FAM163A: variants seen among roughly 807,000 people sequenced by gnomAD.
The protein encoded by FAM163A is family with sequence similarity 163 member A.
FAM163A carries 7 observed loss-of-function variants against 12.0 expected under a neutral mutation model. That is an observed-to-expected ratio of 0.58 (90% confidence interval 0.33 to 1.10). The LOEUF is 1.10. Among genes scored for constraint, FAM163A ranks in the 50% least tolerant of loss-of-function variants. The pLI, the probability that FAM163A is intolerant of heterozygous loss-of-function variation, is 0.03. For synonymous variants in FAM163A, 101 were observed against 91.0 expected (o/e 1.11, Z -0.62); for missense variants, 202 against 218.6 (o/e 0.92, Z 0.48).
intron 1 of FAM163A, among the ~76,000 whole-genome samples, chr1:179,791,298 T>A (rs1336320010): frequency 6.6e-6 from 1 of 152,120 alleles, no homozygotes; most frequent in Non-Finnish European, 1.5e-5. Context: ...ACATCCTCCA[T>A]GGAGAGCAAG....
At chr1:179,758,395 G>C (rs929677815) in intron 1 of FAM163A, among the ~76,000 whole-genome samples, 1 of 152,158 alleles carries the variant, frequency 6.6e-6, no homozygotes, top group Non-Finnish European at 1.5e-5. Context: ...TAGCAAAGCC[G>C]TGCTCAGAGA....
At chr1:179,763,225 TACAG>T (rs747735684) in intron 1 of FAM163A, among the ~76,000 whole-genome samples, 3 of 152,248 alleles carry the variant, frequency 2.0e-5, no homozygotes, top group Middle Eastern at 3.2e-3. Context: ...CTCTTCCTGC[TACAG>T]ACACCCTTAC....
Position 179,814,120 on chromosome 1 carries a change from C to T in FAM163A, c.435C>T (p.Tyr145=). The T allele has an allele frequency of 6.2e-7, 1 of 1,614,190 alleles. No homozygotes were observed. Among genetic ancestry groups the T allele is most frequent in the Non-Finnish European group, 8.5e-7 (1 of 1,180,032 alleles). ...TCAAATTGGCAGCACCCCAGAGTTA[C>T]CCGGTGACCTGGCCAGGCTCTGGGC... is the stretch of plus-strand genomic sequence containing the variant. ...PSLKLAAPQS[Y]PVTWPGSGRE... is the part of the protein sequence containing the mutation. Residue 145 remains tyrosine, a synonymous_variant, in exon 5 of 5, where the codon TAC becomes TAT. Coordinates refer to ENST00000341785, the MANE Select transcript of FAM163A (RefSeq NM_173509.3).
At chr1:179,797,606 A>T (rs1057017233) in intron 1 of FAM163A, among the ~76,000 whole-genome samples, 1 of 152,204 alleles carries the variant, frequency 6.6e-6, no homozygotes, top group Non-Finnish European at 1.5e-5. Flanking sequence ...AAAACAAAGT[A>T]TGTGAGGTCA....
Position 179,799,667 on chromosome 1 carries a change from A to G in FAM163A, c.-135-8131A>G, listed in dbSNP as rs139973879. ...AAAACTCTCTAAACTGTTAATGAAC[A>G]TTGTTAGGAAAGGCAGAAACAAACA... On this transcript the variant is annotated intron_variant, in intron 1 of 4. Transcript: ENST00000341785. 9.4e-3 allele frequency among the ~76,000 whole-genome samples: 1,427 copies of G among 152,354 alleles called. 21 individuals carry two copies. Among genetic ancestry groups the G allele is most frequent in the African/African-American group, 0.033 (1,359 of 41,592 alleles).
intron 2 of FAM163A, among the ~76,000 whole-genome samples, 161 bp from the exon 3 acceptor site, chr1:179,811,949 C>T (rs1694761193): frequency 6.6e-6 from 1 of 152,058 alleles, no homozygotes. Context: ...GCTGGAGACC[C>T]AGCTGGAGAC....
At chr1:179,813,017 C>T (rs180751297) in intron 3 of FAM163A, 59 bp from the exon 4 acceptor site, 4 of 1,494,890 alleles carry the variant, frequency 2.7e-6, no homozygotes, top group Non-Finnish European at 3.6e-6. Context: ...AAGACTCCCC[C>T]CGGCCCAGCC....
chr1:179,746,504 A>G (rs1684481382), intron 1 of FAM163A, among the ~76,000 whole-genome samples: 1 of 152,180 alleles, frequency 6.6e-6, no homozygotes, highest in Admixed American at 6.5e-5. Context: ...ACATGCCTGG[A>G]GTGTTTATAA....
At chr1:179,809,240 A>G (rs1571592945) in intron 2 of FAM163A, among the ~76,000 whole-genome samples, 1 of 152,202 alleles carries the variant, frequency 6.6e-6, no homozygotes, top group Admixed American at 6.5e-5. Context: ...CAGCCACAAC[A>G]TGTCGAGGCC....
chr1:179,783,602 A>G (rs1690110435), intron 1 of FAM163A, among the ~76,000 whole-genome samples: 2 of 151,550 alleles, frequency 1.3e-5, no homozygotes, highest in Admixed American at 6.6e-5. Context: ...GGAAAGGTTT[A>G]AAAGTTGACC....
In FAM163A at chr1:179,744,661, G is replaced by A. The variant is rs1021503691; in HGVS notation, c.-136+1238G>A. 2.5e-4 allele frequency among the ~76,000 whole-genome samples: 38 copies of A among 152,138 alleles called. 1 individual carries two copies. Among genetic ancestry groups the A allele is most frequent in the Admixed American group, 2.2e-3 (34 of 15,286 alleles). ...AGTCCTGGCAAGTTTGACGTGACGG[G>A]GACGCAGTCATCCAACCTGCAGGCG... On this transcript the variant is annotated intron_variant, in intron 1 of 4. Coordinates refer to ENST00000341785, the MANE Select transcript of FAM163A (RefSeq NM_173509.3).
At chr1:179,807,288 C>T (rs531294400) in intron 1 of FAM163A, among the ~76,000 whole-genome samples, 2 of 152,250 alleles carry the variant, frequency 1.3e-5, no homozygotes, top group South Asian at 4.1e-4. Context: ...CATCTTTGGC[C>T]TGATAGAAGT....
At chr1:179,783,925 C>T (rs1259439252) in intron 1 of FAM163A, among the ~76,000 whole-genome samples, 2 of 151,238 alleles carry the variant, frequency 1.3e-5, no homozygotes, top group African/African-American at 4.9e-5. Flanking sequence ...CACTAGTTGG[C>T]TATAAGGAAC....
intron 1 of FAM163A, among the ~76,000 whole-genome samples, chr1:179,769,913 T>C (rs1336620524): frequency 1.5e-4 from 21 of 143,184 alleles, no homozygotes; most frequent in Non-Finnish European, 9.2e-5. Context: ...TTTTTTTTTT[T>C]TTTTTTTTTT....
chr1:179,805,474 T>A (rs1693802174), intron 1 of FAM163A, among the ~76,000 whole-genome samples: 1 of 151,736 alleles, frequency 6.6e-6, no homozygotes, highest in South Asian at 2.1e-4. Context: ...GGGCGGAGGT[T>A]GCAGTGAGCC....
the FAM163A span, among the ~76,000 whole-genome samples, chr1:179,737,292 G>A: frequency 1.3e-5 from 2 of 152,270 alleles, no homozygotes; most frequent in East Asian, 1.9e-4. Flanking sequence ...CTTACATAAG[G>A]TATCTAAAAT....
intron 1 of FAM163A, among the ~76,000 whole-genome samples, chr1:179,777,042 A>C (rs1416322252): frequency 6.6e-6 from 1 of 152,240 alleles, no homozygotes; most frequent in Non-Finnish European, 1.5e-5. Flanking sequence ...TGTAGCATGC[A>C]TCAGAATGCC....
At chr1:179,761,043 T>C (rs887680436) in intron 1 of FAM163A, among the ~76,000 whole-genome samples, 1 of 152,232 alleles carries the variant, frequency 6.6e-6, no homozygotes, top group Non-Finnish European at 1.5e-5. Flanking sequence ...AAATGTTTCA[T>C]AATAGGGGAT....
intron 1 of FAM163A, among the ~76,000 whole-genome samples, chr1:179,764,125 T>C (rs1687178646): frequency 6.6e-6 from 1 of 152,132 alleles, no homozygotes; most frequent in South Asian, 2.1e-4. Flanking sequence ...GAAACAAGTG[T>C]CACAGAACTG....
Sources: allele counts gnomAD v4.1 joint callset (sites outside exome capture counted in the v4.1 genomes callset), GRCh38; gene constraint gnomAD v4.1.1; transcripts MANE v1.5; gene names NCBI Gene and HGNC (gene_info 2026-07-23, HGNC 2026-07-21).